The following SRL variants were observed in gnomAD, a reference collection of about 807,000 sequenced individuals.
SRL encodes sarcalumenin.
A neutral mutation model predicts 39.5 loss-of-function variants in SRL; 23 were observed. That is an observed-to-expected ratio of 0.58 (90% confidence interval 0.42 to 0.82). The LOEUF (loss-of-function observed/expected upper bound fraction) is 0.82, where lower values mean the gene tolerates loss of function less well. Ranked by LOEUF, SRL falls within the 40% of genes least tolerant of loss-of-function variation. The pLI, the probability that SRL is intolerant of heterozygous loss-of-function variation, is 0.00. For synonymous variants in SRL, 272 were observed against 237.4 expected, an observed-to-expected ratio of 1.15 and a Z score of -1.34; for missense variants, 592 against 607.8, an observed-to-expected ratio of 0.97 and a Z score of 0.27.
At chr16:4,209,084 C>T (rs1009565099) in intron 1 of SRL, among the ~76,000 whole-genome samples, 2 of 152,096 alleles carry the variant, frequency 1.3e-5, no homozygotes, top group African/African-American at 4.8e-5. Context: ...ACCAGCCTGG[C>T]CAACATGGTG....
Position 4,195,567 on chromosome 16 carries a change from T to C in SRL, c.596A>G (p.Lys199Arg). Residue 199 changes from lysine (K) to arginine (R), a missense_variant, in exon 5 of 6, where the codon AAG becomes AGG. Lys to Arg is a conservative substitution (Grantham distance 26). Coordinates refer to ENST00000399609, the MANE Select transcript of SRL (RefSeq NM_001098814.2). ...VDTPGIIENR[K>R]QQERGYPFND... ...GGCTAAATTACCTCTTTCTTGCTGC[T>C]TGCGGTTCTCGATGATGCCTGGTGT... 6.2e-7 allele frequency: 1 copy of C among 1,614,166 alleles called. No homozygotes were observed. Among genetic ancestry groups the C allele is most frequent in the Non-Finnish European group, 8.5e-7 (1 of 1,180,024 alleles).
intron 1 of SRL, chr16:4,207,955 G>A (rs1165677829): frequency 2.2e-6 from 1 of 456,748 alleles, no homozygotes; most frequent in South Asian, 1.5e-5. Flanking sequence ...CTGCCATCTG[G>A]GTAGTGAAGG....
intron 3 of SRL, among the ~76,000 whole-genome samples, chr16:4,199,693 C>CTTTTTTTTTTTTTTTTTT (rs35631556): frequency 1.0e-5 from 1 of 96,424 alleles, no homozygotes; most frequent in African/African-American, 4.0e-5. Flanking sequence ...TTTTCTTTTC[C>CTTTTTTTTTTTTTTTTTT]TTTTTTTTTT....
chr16:4,197,083 T>TG (rs71139620), intron 4 of SRL, among the ~76,000 whole-genome samples: 60 of 69,856 alleles, frequency 8.6e-4, no homozygotes, highest in East Asian at 2.0e-3. Flanking sequence ...TTTTTTTTTT[T>TG]TGTGAGACAG....
At chr16:4,206,707 G>A (rs2052322953) in intron 1 of SRL, 1 of 456,510 alleles carries the variant, frequency 2.2e-6, no homozygotes, top group South Asian at 1.5e-5. Context: ...CGGGGTTGCT[G>A]TTAGGGAATT....
chr16:4,193,425 T>C (rs1221658752), intron 5 of SRL, among the ~76,000 whole-genome samples: 1 of 152,202 alleles, frequency 6.6e-6, no homozygotes, highest in East Asian at 1.9e-4. Flanking sequence ...TAAAAGGATC[T>C]GGGGCAATGG....
intron 1 of SRL, among the ~76,000 whole-genome samples, chr16:4,218,611 A>C (rs752552078): frequency 6.6e-6 from 1 of 152,212 alleles, no homozygotes; most frequent in Non-Finnish European, 1.5e-5. Context: ...CCTCACACAC[A>C]GGCCCGCTGG....
In SRL at chr16:4,191,656, T is replaced by C. The variant is rs1374955998; in HGVS notation, c.*497A>G. On this transcript the variant is annotated 3_prime_UTR_variant, in exon 6 of 6. Transcript: ENST00000399609. ...AGGTATATTCAGACCCAAGAGACTA[T>C]TCACTGTTGAAAGTCAACCCAAAGT... 2 of 156,290 alleles carry C rather than the reference T, an allele frequency of 1.3e-5. No individual in the cohort carries two copies. The highest frequency in any genetic ancestry group is 1.9e-4 in the East Asian group (1 of 5,234). The allele number at this position is 156,290 out of a possible 1,614,324, so 9.7% of individuals were successfully genotyped here.
At chr16:4,241,963 G>T (rs141478418) in intron 1 of SRL, 44 bp downstream of exon 1, 2 of 1,609,198 alleles carry the variant, frequency 1.2e-6, no homozygotes, top group Non-Finnish European at 1.7e-6. Context: ...TGGAGGAAGC[G>T]TGGGGGACCA....
At chr16:4,214,397 A>C (rs536116337) in intron 1 of SRL, among the ~76,000 whole-genome samples, 2 of 152,360 alleles carry the variant, frequency 1.3e-5, no homozygotes, top group Admixed American at 6.5e-5. Flanking sequence ...ACAGTTATGC[A>C]AATCAGTCAT....
In SRL at chr16:4,190,558, G is replaced by T; in HGVS notation, c.*1595C>A. On this transcript the variant is annotated 3_prime_UTR_variant, in exon 6 of 6. Coordinates refer to ENST00000399609, the MANE Select transcript of SRL (RefSeq NM_001098814.2). ...GCCCCTCTGCTCCCCACCACCTGCT[G>T]TGGAGCCGTGCATGCTAGCCTTGCA... The T allele has an allele frequency of 2.5e-6, 1 of 398,646 alleles. No homozygotes were observed. The highest frequency in any genetic ancestry group is 4.4e-6 in the Non-Finnish European group (1 of 226,366). The allele number at this position is 398,646 out of a possible 1,614,324, so 24.7% of individuals were successfully genotyped here.
intron 1 of SRL, among the ~76,000 whole-genome samples, chr16:4,238,782 C>T (rs57633452): frequency 0.039 from 5,807 of 150,286 alleles, 378 homozygotes; most frequent in African/African-American, 0.14. Context: ...ACCCCTACAC[C>T]GAGCTATTTT....
intron 1 of SRL, among the ~76,000 whole-genome samples, chr16:4,215,297 GC>G (rs2052444997): frequency 1.3e-5 from 2 of 152,242 alleles, no homozygotes; most frequent in Non-Finnish European, 2.9e-5. Context: ...TCCTGGCCAT[GC>G]TCCTAAAGTC....
At chr16:4,207,251 A>C (rs895894079) in intron 1 of SRL, 1 of 456,830 alleles carries the variant, frequency 2.2e-6, no homozygotes, top group East Asian at 7.0e-5. Context: ...AGGAGGCTTC[A>C]TCTGCGTCCT....
At chr16:4,208,553 T>G (rs2052355191) in intron 1 of SRL, among the ~76,000 whole-genome samples, 1 of 152,210 alleles carries the variant, frequency 6.6e-6, no homozygotes, top group Admixed American at 6.5e-5. Context: ...GGACAAATGC[T>G]TGTGCATCCC....
chr16:4,206,733 C>A, intron 1 of SRL: 1 of 445,090 alleles, frequency 2.2e-6, no homozygotes, highest in Non-Finnish European at 4.5e-6. Flanking sequence ...CTACCCTGGG[C>A]AACAATGATG....
chr16:4,221,961 T>C (rs2052535718), intron 1 of SRL, among the ~76,000 whole-genome samples: 1 of 152,164 alleles, frequency 6.6e-6, no homozygotes, highest in Non-Finnish European at 1.5e-5. Flanking sequence ...CCAGCCCCAC[T>C]CCAGCATGAC....
chr16:4,240,647 G>C (rs2061845713), intron 1 of SRL, among the ~76,000 whole-genome samples: 1 of 152,168 alleles, frequency 6.6e-6, no homozygotes, highest in Non-Finnish European at 1.5e-5. Flanking sequence ...GAACATTCCA[G>C]ATGACCAGTT....
intron 1 of SRL, among the ~76,000 whole-genome samples, chr16:4,222,521 G>A (rs1306764000): frequency 1.3e-5 from 2 of 152,028 alleles, no homozygotes; most frequent in Admixed American, 6.6e-5. Context: ...TGATCCACCC[G>A]CCTCGGCCTC....
Sources: gnomAD v4.1 joint callset for allele counts (sites outside exome capture counted in the v4.1 genomes callset) on GRCh38, gnomAD v4.1.1 for gene constraint, MANE v1.5 for transcripts, NCBI Gene and HGNC (gene_info 2026-07-23, HGNC 2026-07-21) for gene names.